Variants in CMAS observed in about 807,000 individuals in gnomAD.
CMAS encodes the protein N-acylneuraminate cytidylyltransferase.
A neutral mutation model predicts 53.4 loss-of-function variants in CMAS; 21 were observed. The ratio of observed to expected loss-of-function variants is 0.39; its 90% CI spans 0.28 to 0.57. The LOEUF is 0.57. Ranked by LOEUF, CMAS falls within the 20% of genes least tolerant of loss-of-function variation. CMAS has a pLI of 0.56. For missense variants in CMAS, 384 were observed against 534.9 expected (o/e 0.72, Z 2.78); for synonymous variants, 189 against 195.2 (o/e 0.97, Z 0.27).
intron 1 of CMAS, 83 bp downstream of exon 1, chr12:22,046,646 G>A: frequency 3.7e-6 from 5 of 1,360,032 alleles, no homozygotes; most frequent in Non-Finnish European, 4.8e-6. Context: ...TGGGGCCTCC[G>A]GGGCCACCGC....
At chr12:22,046,744 A>G (rs930762800) in intron 1 of CMAS, among the ~76,000 whole-genome samples, 181 bp downstream of exon 1, 1 of 152,200 alleles carries the variant, frequency 6.6e-6, no homozygotes, top group Non-Finnish European at 1.5e-5. Context: ...GAAGGGCTCC[A>G]GCTCCTTCCT....
At chr12:22,048,730 T>C (rs1385720354) in intron 1 of CMAS, among the ~76,000 whole-genome samples, 2 of 152,190 alleles carry the variant, frequency 1.3e-5, no homozygotes, top group Non-Finnish European at 2.9e-5. Flanking sequence ...TTCTAGGAAA[T>C]AACTCTTACT....
At chr12:22,055,034 T>C (rs1450904387) in intron 1 of CMAS, 115 bp from the exon 2 acceptor site, 1 of 653,698 alleles carries the variant, frequency 1.5e-6, no homozygotes, top group East Asian at 3.0e-5. Context: ...ATTATTATCA[T>C]TGTGCAAAAA....
At chr12:22,058,789 T>A in intron 4 of CMAS, 89 bp downstream of exon 4, 1 of 1,447,680 alleles carries the variant, frequency 6.9e-7, no homozygotes, top group Non-Finnish European at 9.3e-7. Flanking sequence ...AATTTCTTTA[T>A]GATAAAGAAA....
intron 5 of CMAS, 51 bp from the exon 6 acceptor site, chr12:22,061,230 G>C (rs1304034173): frequency 9.8e-6 from 12 of 1,226,482 alleles, no homozygotes; most frequent in Non-Finnish European, 1.4e-5. Flanking sequence ...AGATGAGAGG[G>C]AGTGATTAGT....
chr12:22,065,084 C>G, intron 7 of CMAS, 37 bp from the exon 8 acceptor site: 3 of 1,529,122 alleles, frequency 2.0e-6, no homozygotes, highest in South Asian at 2.4e-5. Flanking sequence ...TTCTTTGTCT[C>G]TTTAAATGTT....
chr12:22,065,390 A>G lies in CMAS; in HGVS notation c.*79A>G. ...TTTTATTTTTGATTAAGTAAATTCC[A>G]TGTTGTAATGTTACAGAGAGTGTGA... On this transcript the variant is annotated 3_prime_UTR_variant, in exon 8 of 8. Transcript: ENST00000229329. 1 of 1,075,630 alleles carries G rather than the reference A, an allele frequency of 9.3e-7. No homozygotes were observed. Among genetic ancestry groups the G allele is most frequent in the Admixed American group, 2.0e-5 (1 of 50,290 alleles). The allele number at this position is 1,075,630 out of a possible 1,614,324, so 66.6% of individuals were successfully genotyped here. A position where few individuals can be genotyped will look rare whatever the true frequency, so the allele number is the denominator to read the frequency against.
At chr12:22,053,500 A>G (rs957818394) in intron 1 of CMAS, among the ~76,000 whole-genome samples, 2 of 144,404 alleles carry the variant, frequency 1.4e-5, no homozygotes, top group South Asian at 2.5e-4. Context: ...ATATATATAT[A>G]TACACACCAA....
At chr12:22,046,600 G>T in intron 1 of CMAS, 37 bp downstream of exon 1, 4 of 1,489,662 alleles carry the variant, frequency 2.7e-6, no homozygotes, top group Non-Finnish European at 3.6e-6. Flanking sequence ...CGGCCTGGGC[G>T]GGGGTCGGGA....
At chr12:22,064,174 C>T (rs1289075026) in intron 7 of CMAS, among the ~76,000 whole-genome samples, 1 of 152,050 alleles carries the variant, frequency 6.6e-6, no homozygotes. Flanking sequence ...AAGAAACTCT[C>T]TTCAACCAAG....
chr12:22,065,091 T>C (rs1008265621), intron 7 of CMAS, 30 bp from the exon 8 acceptor site: 1 of 1,548,148 alleles, frequency 6.5e-7, no homozygotes, highest in Non-Finnish European at 8.8e-7. Flanking sequence ...TCTCTTTAAA[T>C]GTTTGCTCAG....
rs140441505 is a variant in CMAS at position 22,058,589 on chromosome 12, G to C, written c.582G>C (p.Leu194=). The part of the protein sequence containing the change: ...QKGVREVTEP[L]NLNPAKRPRR... The stretch of plus-strand genomic sequence containing the variant: ...TAGTTCGTGAAGTGACCGAACCTCT[G>C]AATTTAAATCCAGCTAAACGGCCTC... Residue 194 remains leucine, a synonymous_variant, in exon 4 of 8, where the codon CTG becomes CTC. Transcript: ENST00000229329. 6.2e-7 allele frequency: 1 copy of C among 1,613,540 alleles called. No homozygotes were observed. The highest frequency in any genetic ancestry group is 8.5e-7 in the Non-Finnish European group (1 of 1,179,746).
chr12:22,046,621 G>A, intron 1 of CMAS, 58 bp downstream of exon 1: 5 of 1,449,160 alleles, frequency 3.5e-6, no homozygotes, highest in Non-Finnish European at 4.5e-6. Flanking sequence ...GAGGGAGTCG[G>A]GCTGCTGGAG....
rs775504569 is a variant in CMAS at position 22,062,379 on chromosome 12, T to A, written c.1059T>A (p.Val353=). The part of the protein sequence containing the change: ...MEVSVSDKLA[V]VDEWRKEMGL... ...TCAGTGTATCAGACAAGCTAGCAGTTGTAGATGAATGGAGAAAAGAAATGG... is the reference window on the plus strand; with the variant it reads ...TCAGTGTATCAGACAAGCTAGCAGTAGTAGATGAATGGAGAAAAGAAATGG... The change falls in exon 7 of 8, where the codon GTT becomes GTA. Residue 353 remains valine (V), a synonymous_variant. Coordinates refer to ENST00000229329, the MANE Select transcript of CMAS (RefSeq NM_018686.6). The A allele has an allele frequency of 8.7e-6, 14 of 1,613,662 alleles. No individual in the cohort carries two copies. In the African/African-American group the frequency reaches 1.3e-4, roughly 15 times the overall value.
chr12:22,062,504 T>G lies in CMAS; in HGVS notation c.1114+70T>G, dbSNP rs911230189. On this transcript the variant is annotated intron_variant, in intron 7 of 7. Coordinates refer to ENST00000229329, the MANE Select transcript of CMAS (RefSeq NM_018686.6). ...AATTATTTACTTATTTTTAAAGAAATGACAAAGCACATCCTCCAAATGGGT... is the reference window on the plus strand; with the variant it reads ...AATTATTTACTTATTTTTAAAGAAAGGACAAAGCACATCCTCCAAATGGGT... The G allele has an allele frequency of 8.1e-6, 12 of 1,485,396 alleles. No individual in the cohort carries two copies. The African/African-American group carries it at 1.4e-4, about 17-fold the overall frequency. 92.0% of individuals were successfully genotyped at this position (1,485,396 alleles called of 1,614,324 possible).
intron 3 of CMAS, 94 bp from the exon 4 acceptor site, chr12:22,058,473 A>G (rs1387093558): frequency 1.8e-6 from 2 of 1,089,522 alleles, no homozygotes; most frequent in African/African-American, 1.6e-5. Context: ...AATGCTCTGC[A>G]TTCTGAGTTC....
At chr12:22,055,683 G>A in intron 3 of CMAS, 73 bp downstream of exon 3, 1 of 1,298,110 alleles carries the variant, frequency 7.7e-7, no homozygotes, top group South Asian at 1.3e-5. Context: ...ATATCCTTTA[G>A]GCATGAGGAG....
chr12:22,052,795 C>T (rs772926249), intron 1 of CMAS, among the ~76,000 whole-genome samples: 1 of 152,132 alleles, frequency 6.6e-6, no homozygotes, highest in Non-Finnish European at 1.5e-5. Flanking sequence ...GTAGATATCA[C>T]GGGATTCTTG....
chr12:22,053,146 C>T (rs536830864), intron 1 of CMAS, among the ~76,000 whole-genome samples: 17 of 151,840 alleles, frequency 1.1e-4, no homozygotes, highest in Non-Finnish European at 2.4e-4. Context: ...ATTGGTCGGG[C>T]GTGGTGACAC....
Sources: gnomAD v4.1 joint callset for allele counts (sites outside exome capture counted in the v4.1 genomes callset) on GRCh38, gnomAD v4.1.1 for gene constraint, MANE v1.5 for transcripts, NCBI Gene and HGNC (gene_info 2026-07-23, HGNC 2026-07-21) for gene names.